ABCA12: variants seen among roughly 807,000 people sequenced by gnomAD.
The protein encoded by ABCA12 is glucosylceramide transporter ABCA12.
Under a neutral mutation model 293.5 loss-of-function variants are expected in ABCA12, and 156 were observed. That is an observed-to-expected ratio of 0.53 (90% CI 0.47 to 0.61). ABCA12 has a LOEUF of 0.61. Among genes scored for constraint, ABCA12 ranks in the 20% least tolerant of loss-of-function variants. The probability of loss-of-function intolerance (pLI) is 0.00; values close to 1 mark genes in which losing one functional copy is unlikely to be tolerated. For missense variants in ABCA12, 2,797 were observed against 3,090.2 expected, an observed-to-expected ratio of 0.91 and a Z score of 2.25; for synonymous variants, 1,063 against 1,108.0, an observed-to-expected ratio of 0.96 and a Z score of 0.81.
intron 18 of ABCA12, among the ~76,000 whole-genome samples, chr2:215,008,648 T>C (rs1052961287): frequency 3.3e-5 from 5 of 152,074 alleles, no homozygotes; most frequent in South Asian, 2.1e-4. Flanking sequence ...ATATATGTGG[T>C]ATAATAATCT....
At chr2:214,932,803 A>G in intron 52 of ABCA12, 62 bp from the exon 53 acceptor site, 1 of 1,115,504 alleles carries the variant, frequency 9.0e-7, no homozygotes. Context: ...AAATAAAGTT[A>G]ATTCATTCTC....
rs529185192 is a variant in ABCA12, at chr2:214,995,386, G to A, written c.3294+2309C>T. ...ATTAAAAAGTGACTTTGAGTTTCTGGTAACTTAAGAGATTATCTATCATCA... is the reference window on the plus strand; with the variant it reads ...ATTAAAAAGTGACTTTGAGTTTCTGATAACTTAAGAGATTATCTATCATCA... On this transcript the variant is annotated intron_variant, in intron 23 of 52. Coordinates refer to ENST00000272895, the MANE Select transcript of ABCA12 (RefSeq NM_173076.3). Among the ~76,000 whole-genome samples the A allele has an allele frequency of 1.1e-3, 160 of 152,276 alleles. 1 individual carries two copies. The highest frequency in any genetic ancestry group is 1.8e-3 in the Non-Finnish European group (122 of 68,018).
At chr2:214,972,151 T>C (rs1298636593) in intron 36 of ABCA12, among the ~76,000 whole-genome samples, 2 of 152,202 alleles carry the variant, frequency 1.3e-5, no homozygotes, top group African/African-American at 4.8e-5. Flanking sequence ...ATGAGTCCTT[T>C]GTTGTATATT....
intron 3 of ABCA12, among the ~76,000 whole-genome samples, chr2:215,058,134 C>G (rs1701456082): frequency 6.6e-6 from 1 of 151,978 alleles, no homozygotes; most frequent in Admixed American, 6.6e-5. Flanking sequence ...CTCTTGCAAC[C>G]AGAAACATTT....
Position 215,106,301 on chromosome 2 carries a change from A to AT in ABCA12, c.163+5295dup, listed in dbSNP as rs139830416. Among the ~76,000 whole-genome samples, 922 of 148,788 alleles carry AT rather than the reference A, an allele frequency of 6.2e-3. 7 individuals are homozygous for AT. Among genetic ancestry groups the AT allele is most frequent in the African/African-American group, 0.02 (832 of 40,594 alleles). On this transcript the variant is annotated intron_variant, in intron 2 of 52. Transcript: ENST00000272895. ...CAACAATTTCAATCCTCCTTCTCAC[A>AT]TTTTTTTTTTCCCAGAGCTACTAAC...
At chr2:215,100,720 T>C (rs62202645) in intron 2 of ABCA12, among the ~76,000 whole-genome samples, 4,037 of 152,328 alleles carry the variant, frequency 0.027, 77 homozygotes, top group Non-Finnish European at 0.043. Context: ...TCCTGCTCTT[T>C]ACAGCCCTAG....
At position 215,064,211 on chromosome 2, in the gene ABCA12, C is replaced by T. The variant is rs753638586; in HGVS notation, c.172G>A (p.Ala58Thr). Residue 58 changes from alanine to threonine, a missense_variant, in exon 3 of 53, where the codon GCA (alanine) becomes ACA (threonine). Ala to Thr is a moderately conservative substitution (Grantham distance 58). This residue lies in a region of ABCA12 where 656 missense variants were observed against 638.2 expected (regional missense o/e 1.03). Transcript: ENST00000272895. Reference protein sequence around the residue: ...PPTAKPTCYLAPRNLPSTGFF... With the variant: ...PPTAKPTCYLTPRNLPSTGFF... ...CCAGTACTAGGAAGGTTTCGAGGTG[C>T]GAGGTAACCTAAAATTAAAAAAACA... 4.2e-5 allele frequency: 68 copies of T among 1,612,114 alleles called. 1 individual carries two copies. The highest frequency in any genetic ancestry group is 3.5e-4 in the Admixed American group (21 of 59,800).
chr2:215,052,683 C>G, intron 4 of ABCA12, 99 bp from the exon 5 acceptor site: 1 of 1,014,038 alleles, frequency 9.9e-7, no homozygotes, highest in Non-Finnish European at 1.5e-6. Context: ...ACCTCATATA[C>G]CCTACAGCAA....
At chr2:214,973,806 G>A (rs1699443853) in intron 36 of ABCA12, 143 bp downstream of exon 36, 2 of 729,032 alleles carry the variant, frequency 2.7e-6, no homozygotes, top group Non-Finnish European at 4.8e-6. Flanking sequence ...TATTTTTTGA[G>A]CTGCCCAGAT....
chr2:215,046,052 C>G, intron 6 of ABCA12, 37 bp from the exon 7 acceptor site: 1 of 1,596,526 alleles, frequency 6.3e-7, no homozygotes, highest in Non-Finnish European at 8.6e-7. Flanking sequence ...CAAAATGAGA[C>G]TTTAACATTT....
intron 3 of ABCA12, 58 bp downstream of exon 3, chr2:215,064,008 G>T: frequency 6.2e-7 from 1 of 1,608,974 alleles, no homozygotes; most frequent in Admixed American, 1.7e-5. Flanking sequence ...GGCTATCTCA[G>T]AAGGAAACAA....
intron 23 of ABCA12, among the ~76,000 whole-genome samples, chr2:214,995,017 G>A (rs549587749): frequency 2.0e-5 from 3 of 152,116 alleles, no homozygotes; most frequent in Admixed American, 6.6e-5. Context: ...GATTTTTATA[G>A]CTTCAGTATT....
chr2:214,934,421 T>C (rs1356804157), intron 51 of ABCA12, among the ~76,000 whole-genome samples: 1 of 152,182 alleles, frequency 6.6e-6, no homozygotes, highest in Non-Finnish European at 1.5e-5. Flanking sequence ...GAAAACAAAT[T>C]TAAAAGTTCA....
At chr2:215,099,256 C>T (rs749668965) in intron 2 of ABCA12, among the ~76,000 whole-genome samples, 10 of 152,234 alleles carry the variant, frequency 6.6e-5, no homozygotes, top group Admixed American at 1.3e-4. Flanking sequence ...TCAGTGCCAA[C>T]GCACCAGCCA....
chr2:215,052,208 C>T (rs1559168049), intron 5 of ABCA12, among the ~76,000 whole-genome samples: 1 of 152,036 alleles, frequency 6.6e-6, no homozygotes, highest in Admixed American at 6.6e-5. Context: ...AAAATTAAAA[C>T]ATCACATATT....
intron 2 of ABCA12, chr2:215,082,836 A>C (rs1424553439): frequency 6.6e-6 from 1 of 152,218 alleles, no homozygotes; most frequent in Non-Finnish European, 1.5e-5. Context: ...TATGTAACAG[A>C]ATGTGTTTTA....
At chr2:214,999,178 C>T (rs1700093459) in intron 22 of ABCA12, among the ~76,000 whole-genome samples, 1 of 152,046 alleles carries the variant, frequency 6.6e-6, no homozygotes, top group Admixed American at 6.5e-5. Context: ...CAGACTACTT[C>T]TTGAATGAAT....
At chr2:215,122,259 T>C (rs781380392) in intron 1 of ABCA12, among the ~76,000 whole-genome samples, 1 of 152,114 alleles carries the variant, frequency 6.6e-6, no homozygotes, top group Non-Finnish European at 1.5e-5. Context: ...CCATAATCAA[T>C]AGGTAGAACT....
chr2:215,020,422 T>C (rs1700603745), intron 11 of ABCA12, among the ~76,000 whole-genome samples: 5 of 152,046 alleles, frequency 3.3e-5, no homozygotes, highest in Middle Eastern at 3.4e-3. Flanking sequence ...GTCTCGAAAA[T>C]GAAAGGTGAA....
Sources: gnomAD v4.1 joint callset for allele counts (sites outside exome capture counted in the v4.1 genomes callset) on GRCh38, gnomAD v4.1.1 for gene constraint, gnomAD v4.1.1 regional missense constraint, MANE v1.5 for transcripts, NCBI Gene and HGNC (gene_info 2026-07-23, HGNC 2026-07-21) for gene names.